ARHGAP10: variants seen among roughly 807,000 people sequenced by gnomAD.
ARHGAP10 encodes the protein rho GTPase-activating protein 10.
In ARHGAP10, 87 loss-of-function variants were observed where a neutral mutation model predicts 108.6. That is an observed-to-expected ratio of 0.80 (90% confidence interval 0.67 to 0.96). ARHGAP10 has a LOEUF of 0.96. Among genes scored for constraint, ARHGAP10 ranks in the 40% least tolerant of loss-of-function variants. The pLI is 0.00. For missense variants in ARHGAP10, 939 were observed against 954.5 expected (o/e 0.98, Z 0.21); for synonymous variants, 347 against 341.1 (o/e 1.02, Z -0.19).
At chr4:148,041,879 A>G (rs1249144960) in intron 19 of ARHGAP10, among the ~76,000 whole-genome samples, 3 of 152,224 alleles carry the variant, frequency 2.0e-5, no homozygotes, top group African/African-American at 7.2e-5. Flanking sequence ...CTTTAAAGAA[A>G]AGCCAGCTCT....
At chr4:148,032,129 A>T (rs893553432) in intron 19 of ARHGAP10, among the ~76,000 whole-genome samples, 3 of 152,072 alleles carry the variant, frequency 2.0e-5, no homozygotes, top group Admixed American at 6.5e-5. Context: ...AAAATAATTT[A>T]AAAAATAAAT....
chr4:147,759,503 G>A (rs1275632767), intron 1 of ARHGAP10, among the ~76,000 whole-genome samples: 1 of 151,722 alleles, frequency 6.6e-6, no homozygotes, highest in African/African-American at 2.4e-5. Flanking sequence ...TAGGGCAGGA[G>A]TTCGAGGCTG....
At chr4:148,036,007 A>G (rs1156853422) in intron 19 of ARHGAP10, among the ~76,000 whole-genome samples, 3 of 151,902 alleles carry the variant, frequency 2.0e-5, no homozygotes, top group Non-Finnish European at 2.9e-5. Flanking sequence ...TTTAATGTCA[A>G]ACTTAGTATT....
chr4:147,893,511 A>G (rs974659204), intron 10 of ARHGAP10, among the ~76,000 whole-genome samples: 1 of 147,826 alleles, frequency 6.8e-6, no homozygotes, highest in African/African-American at 2.5e-5. Context: ...AAAAAGGTAT[A>G]ATAAGAATAT....
chr4:147,751,882 AG>A (rs1729165823), intron 1 of ARHGAP10, among the ~76,000 whole-genome samples: 1 of 128,486 alleles, frequency 7.8e-6, no homozygotes, highest in Non-Finnish European at 1.7e-5. Flanking sequence ...TGAAGCCTTT[AG>A]TTTTTTTTTT....
intron 1 of ARHGAP10, among the ~76,000 whole-genome samples, chr4:147,772,891 A>T (rs1037948475): frequency 6.6e-6 from 1 of 152,056 alleles, no homozygotes; most frequent in African/African-American, 2.4e-5. Flanking sequence ...ATCTCTTAGT[A>T]TTTCAGTTTG....
At chr4:147,797,594 G>A (rs542037993) in intron 1 of ARHGAP10, among the ~76,000 whole-genome samples, 7 of 152,064 alleles carry the variant, frequency 4.6e-5, no homozygotes, top group Non-Finnish European at 8.8e-5. Flanking sequence ...TGTATTTTTA[G>A]TAGAGACGGG....
rs144599935 is a variant in ARHGAP10, at chr4:147,835,433, C to T, written c.313-11718C>T. ...TGTCGCCCAGGCTGGAGTGCAGTGG[C>T]AGGATCTTGGCTCACTGCAGCCTCT... On this transcript the variant is annotated intron_variant, in intron 3 of 22. Transcript: ENST00000336498. Among the ~76,000 whole-genome samples the T allele has an allele frequency of 6.0e-3, 910 of 151,852 alleles. 4 individuals carry two copies. Among genetic ancestry groups the T allele is most frequent in the African/African-American group, 0.017 (688 of 41,416 alleles).
chr4:147,920,130 A>G (rs201249811), intron 13 of ARHGAP10, among the ~76,000 whole-genome samples: 1 of 148,878 alleles, frequency 6.7e-6, no homozygotes, highest in Non-Finnish European at 1.5e-5. Context: ...AAAACAACAT[A>G]ACCTCGCTGG....
intron 10 of ARHGAP10, among the ~76,000 whole-genome samples, chr4:147,890,472 A>G (rs1318763429): frequency 6.6e-6 from 1 of 152,240 alleles, no homozygotes; most frequent in Non-Finnish European, 1.5e-5. Context: ...TCAATAATAT[A>G]TAGACAAATA....
At chr4:147,781,606 C>CT (rs1730533148) in intron 1 of ARHGAP10, among the ~76,000 whole-genome samples, 2 of 151,548 alleles carry the variant, frequency 1.3e-5, no homozygotes, top group Admixed American at 1.3e-4. Context: ...AAATGTTTTA[C>CT]TAAGAATATC....
At chr4:147,748,958 C>A (rs1047558428) in intron 1 of ARHGAP10, among the ~76,000 whole-genome samples, 1 of 149,870 alleles carries the variant, frequency 6.7e-6, no homozygotes, top group Admixed American at 6.8e-5. Context: ...GACCCTGTGT[C>A]TTAAAAAAAG....
chr4:148,058,593 C>T (rs1006693500), intron 20 of ARHGAP10, among the ~76,000 whole-genome samples: 4 of 152,182 alleles, frequency 2.6e-5, no homozygotes, highest in African/African-American at 9.7e-5. Flanking sequence ...CCCCTACTCC[C>T]TTCCCCCTTT....
chr4:147,782,624 T>C (rs997548078), intron 1 of ARHGAP10: 6 of 151,452 alleles, frequency 4.0e-5, no homozygotes, highest in Non-Finnish European at 8.8e-5. Context: ...AGCATGCCAG[T>C]CCTGAGATGC....
intron 15 of ARHGAP10, among the ~76,000 whole-genome samples, chr4:147,949,951 G>C (rs993230272): frequency 1.1e-4 from 17 of 152,126 alleles, no homozygotes; most frequent in African/African-American, 3.9e-4. Flanking sequence ...TTTGGATCTT[G>C]ATATTCTCGG....
intron 10 of ARHGAP10, among the ~76,000 whole-genome samples, chr4:147,899,722 G>GA (rs5862816): frequency 0.78 from 118,425 of 151,816 alleles, 48,776 homozygotes; most frequent in Non-Finnish European, 0.92. Context: ...ATCATCTCTG[G>GA]AAAAAATGCA....
intron 1 of ARHGAP10, among the ~76,000 whole-genome samples, chr4:147,811,225 C>G (rs960919229): frequency 1.3e-5 from 2 of 152,218 alleles, no homozygotes; most frequent in African/African-American, 4.8e-5. Context: ...AAGTGCGGGC[C>G]CCAGGCCCCC....
chr4:148,030,578 A>G (rs966994511), intron 19 of ARHGAP10, among the ~76,000 whole-genome samples: 2 of 152,326 alleles, frequency 1.3e-5, no homozygotes, highest in East Asian at 1.9e-4. Flanking sequence ...TAAAATGACC[A>G]TGATCTAAGA....
At chr4:147,912,546 CAAATATATATAT>C (rs1362903346) in intron 12 of ARHGAP10, among the ~76,000 whole-genome samples, 1 of 63,224 alleles carries the variant, frequency 1.6e-5, no homozygotes, top group Non-Finnish European at 2.6e-5. Context: ...AACAAACAAA[CAAATATATATAT>C]ATATATATAT....
Sources: gnomAD v4.1 joint callset for allele counts (sites outside exome capture counted in the v4.1 genomes callset) on GRCh38, gnomAD v4.1.1 for gene constraint, MANE v1.5 for transcripts, NCBI Gene and HGNC (gene_info 2026-07-23, HGNC 2026-07-21) for gene names.